Variants in SMAD1 observed in about 807,000 individuals in gnomAD.
SMAD1 encodes the protein SMAD family member 1.
A neutral mutation model predicts 41.6 loss-of-function variants in SMAD1; 6 were observed. The observed-to-expected ratio is 0.14, with a 90% CI of 0.08 to 0.28. SMAD1 has a LOEUF of 0.28. Ranked by LOEUF, SMAD1 falls within the 10% of genes least tolerant of loss-of-function variation. SMAD1 has a pLI of 1.00. For synonymous variants in SMAD1, 206 were observed against 203.2 expected, an observed-to-expected ratio of 1.01 and a Z score of -0.12; for missense variants, 379 against 582.6, an observed-to-expected ratio of 0.65 and a Z score of 3.60.
rs980445564 is a variant in SMAD1 at position 145,482,599 on chromosome 4, C to T, written c.-177+561C>T. The T allele has an allele frequency of 6.6e-6, 1 of 152,216 alleles. No homozygotes were observed. Among genetic ancestry groups the T allele is most frequent in the Non-Finnish European group, 1.5e-5 (1 of 68,054 alleles). 9.4% of individuals were successfully genotyped at this position (152,216 alleles called of 1,614,324 possible). On this transcript the variant is annotated intron_variant, in intron 1 of 6. Coordinates refer to ENST00000302085, the MANE Select transcript of SMAD1 (RefSeq NM_005900.3). This position sits in a 1 kb window ranked among gnomAD's most constrained non-coding sequence, Gnocchi z 4.2. ...TCTCGCGGGCGGGGGACCCCGGCGC[C>T]CCGGGCCCCTCCACATCCCGCACGG...
At chr4:145,528,060 TACAC>T (rs35710925) in intron 2 of SMAD1, among the ~76,000 whole-genome samples, 4,469 of 142,080 alleles carry the variant, frequency 0.031, 163 homozygotes, top group African/African-American at 0.088. Flanking sequence ...TTTTTGTTTG[TACAC>T]ACACACACAC....
intron 1 of SMAD1, among the ~76,000 whole-genome samples, chr4:145,496,407 T>G (rs937506728): frequency 9.9e-5 from 15 of 152,030 alleles, no homozygotes; most frequent in South Asian, 2.1e-4. Context: ...AGAGACCTAT[T>G]TAATTAAATT....
chr4:145,530,066 C>T (rs568262371), intron 2 of SMAD1, among the ~76,000 whole-genome samples: 7 of 152,274 alleles, frequency 4.6e-5, no homozygotes, highest in Admixed American at 3.9e-4. Flanking sequence ...CATTCTGGAC[C>T]TATTAGGTGC....
rs1177240368 is a variant in SMAD1 at position 145,553,101 on chromosome 4, A to G, written c.998-683A>G. The stretch of plus-strand genomic sequence containing the variant: ...TGTATTTTTTTTTTTTTTTGTGGAG[A>G]TGGGGTTTCACCGTGCTGCCCAGGC... On this transcript the variant is annotated intron_variant, in intron 5 of 6. Coordinates refer to ENST00000302085, the MANE Select transcript of SMAD1 (RefSeq NM_005900.3). Among the ~76,000 whole-genome samples the G allele has an allele frequency of 7.1e-5, 10 of 140,870 alleles. No individual in the cohort carries two copies. The Admixed American group carries it at 7.2e-4, about 10-fold the overall frequency. The allele number at this position is 140,870 out of a possible 152,430, so 92.4% of individuals were successfully genotyped here. A position where few individuals can be genotyped will look rare whatever the true frequency, so the allele number is the denominator to read the frequency against.
At chr4:145,531,287 C>T (rs1017690848) in intron 2 of SMAD1, among the ~76,000 whole-genome samples, 15 of 152,256 alleles carry the variant, frequency 9.9e-5, no homozygotes, top group Middle Eastern at 3.4e-3. Context: ...TTACCCTTTC[C>T]GGCACTTCCT....
chr4:145,512,549 T>C (rs941745374), intron 1 of SMAD1, among the ~76,000 whole-genome samples: 3 of 152,264 alleles, frequency 2.0e-5, no homozygotes, highest in African/African-American at 7.2e-5. Context: ...TCATTAGTTA[T>C]ATTTTTCAGT....
chr4:145,544,893 T>C (rs1310629259), intron 4 of SMAD1: 2 of 152,184 alleles, frequency 1.3e-5, no homozygotes, highest in African/African-American at 4.8e-5. Context: ...CCAGTAACTA[T>C]TATTACTAAA....
intron 2 of SMAD1, among the ~76,000 whole-genome samples, chr4:145,529,719 T>C (rs1731221108): frequency 6.6e-6 from 1 of 152,222 alleles, no homozygotes; most frequent in Admixed American, 6.5e-5. Context: ...GTGAAAGGGA[T>C]GATCTCTAGA....
intron 2 of SMAD1, 121 bp downstream of exon 2, chr4:145,515,134 CTGTGTGTGTGTGTGTGTGTGTGTGTG>C (rs377610507): frequency 3.9e-5 from 21 of 535,630 alleles, no homozygotes; most frequent in East Asian, 1.0e-4. Flanking sequence ...TTTGGGGAAA[CTGTGTGTGTGTGTGTGTGTGTGTGTG>C]TGTGTGTGTG....
At chr4:145,507,672 T>G (rs1406929742) in intron 1 of SMAD1, among the ~76,000 whole-genome samples, 5 of 151,808 alleles carry the variant, frequency 3.3e-5, no homozygotes, top group Non-Finnish European at 5.9e-5. Flanking sequence ...TTTTACTAGA[T>G]GAATACTTTT....
chr4:145,540,507 T>G (rs1055915537), intron 3 of SMAD1, among the ~76,000 whole-genome samples: 2 of 152,216 alleles, frequency 1.3e-5, no homozygotes, highest in African/African-American at 4.8e-5. Context: ...CACCCCCTAC[T>G]TAATTAAATT....
At chr4:145,481,474 G>T (rs1728165690), upstream of SMAD1, 1 of 152,154 alleles carries the variant, frequency 6.6e-6, no homozygotes, top group African/African-American at 2.4e-5. Flanking sequence ...GAACATTTCA[G>T]AAAATAAACA....
intron 2 of SMAD1, among the ~76,000 whole-genome samples, chr4:145,519,607 T>C (rs1330993206): frequency 6.7e-6 from 1 of 149,996 alleles, no homozygotes; most frequent in East Asian, 2.0e-4. Context: ...TGAGCTATCA[T>C]CATGTCGCTG....
At chr4:145,553,728 G>A (rs897359632) in intron 5 of SMAD1, 56 bp from the exon 6 acceptor site, 3 of 1,483,132 alleles carry the variant, frequency 2.0e-6, no homozygotes, top group African/African-American at 2.8e-5. Flanking sequence ...CTGCACAGGT[G>A]CCTTTGAGCT....
chr4:145,548,640 A>C (rs1455819575), intron 5 of SMAD1, among the ~76,000 whole-genome samples: 3 of 152,216 alleles, frequency 2.0e-5, no homozygotes, highest in Non-Finnish European at 4.4e-5. Flanking sequence ...ATAAATGTAG[A>C]GTCAGTGCTA....
At chr4:145,510,076 C>T (rs1428574807) in intron 1 of SMAD1, among the ~76,000 whole-genome samples, 2 of 151,776 alleles carry the variant, frequency 1.3e-5, no homozygotes, top group African/African-American at 4.8e-5. Context: ...TATAGACATG[C>T]ACCGTTTGCC....
In SMAD1 at chr4:145,514,449, G is replaced by T; in HGVS notation, c.-165G>T. On this transcript the variant is annotated 5_prime_UTR_variant, in exon 2 of 7. Coordinates refer to ENST00000302085, the MANE Select transcript of SMAD1 (RefSeq NM_005900.3). This position sits in a 1 kb window ranked among gnomAD's most constrained non-coding sequence, Gnocchi z 4.7. ...TTTTTGTTTTGTAGGTGCTGACTGG[G>T]TTACTTTTTTAAACACTAGGAATGG... The T allele has an allele frequency of 1.7e-6, 1 of 603,036 alleles. No homozygotes were observed. The allele number at this position is 603,036 out of a possible 1,614,324, so 37.4% of individuals were successfully genotyped here. A position where few individuals can be genotyped will look rare whatever the true frequency, so the allele number is the denominator to read the frequency against.
Position 145,542,632 on chromosome 4 carries a change from G to A in SMAD1, c.709G>A (p.Asp237Asn). ...YLPPEDPMTQ[D>N]GSQPMDTNMM... is the part of the protein sequence containing the mutation. ...GCCTCCTGAAGACCCCATGACCCAG[G>A]ATGGCTCTCAGCCGATGGACACAAA... is the stretch of plus-strand genomic sequence containing the variant. Residue 237 changes from aspartate to asparagine, a missense_variant, in exon 4 of 7, where the codon GAT becomes AAT. Coordinates refer to ENST00000302085, the MANE Select transcript of SMAD1 (RefSeq NM_005900.3). 1 of 1,613,650 alleles carries A rather than the reference G, an allele frequency of 6.2e-7. No individual in the cohort carries two copies. Among genetic ancestry groups the A allele is most frequent in the Non-Finnish European group, 8.5e-7 (1 of 1,179,830 alleles).
chr4:145,487,539 T>C (rs1475739178), intron 1 of SMAD1, among the ~76,000 whole-genome samples: 1 of 152,178 alleles, frequency 6.6e-6, no homozygotes, highest in African/African-American at 2.4e-5. Flanking sequence ...TTTCCTGCTG[T>C]TATCTGGTAG....
Sources: gnomAD v4.1 joint callset for allele counts (sites outside exome capture counted in the v4.1 genomes callset) on GRCh38, gnomAD v4.1.1 for gene constraint, Gnocchi (gnomAD v3.1) non-coding constraint, MANE v1.5 for transcripts, NCBI Gene and HGNC (gene_info 2026-07-23, HGNC 2026-07-21) for gene names.